CDH23: variants seen among roughly 807,000 people sequenced by gnomAD.
CDH23 encodes the protein cadherin related 23.
Under a neutral mutation model 317.1 loss-of-function variants are expected in CDH23, and 189 were observed. The ratio of observed to expected loss-of-function variants is 0.60; its 90% CI spans 0.53 to 0.67. The LOEUF (loss-of-function observed/expected upper bound fraction) is 0.67, where lower values mean the gene tolerates loss of function less well. CDH23 is among the 30% of genes least tolerant of loss of function. The pLI, the probability that CDH23 is intolerant of heterozygous loss-of-function variation, is 0.00. For synonymous variants in CDH23, 1,839 were observed against 1,876.8 expected (o/e 0.98, Z 0.52); for missense variants, 4,401 against 4,592.4 (o/e 0.96, Z 1.20).
At position 71,738,587 on chromosome 10, in the gene CDH23, T is replaced by A. The variant is rs12218559; in HGVS notation, c.4299T>A (p.Pro1433=). 0.015 allele frequency: 24,762 copies of A among 1,613,860 alleles called. 1,910 individuals are homozygous for A. The East Asian group carries it at 0.2, about 13-fold the overall frequency. ...DSAVSIPEDC[P]VGQRVATVKA... Reference sequence around the variant, plus strand: ...CGGTCAGCATACCCGAGGACTGCCCTGTGGGCCAGCGAGTGGCTACTGTCA... The same window carrying A: ...CGGTCAGCATACCCGAGGACTGCCCAGTGGGCCAGCGAGTGGCTACTGTCA... Residue 1433 remains proline, a synonymous_variant, in exon 35 of 70, where the codon CCT becomes CCA. Coordinates refer to ENST00000224721, the MANE Select transcript of CDH23 (RefSeq NM_022124.6).
chr10:71,731,206 A>G (rs1195301810), intron 31 of CDH23, among the ~76,000 whole-genome samples: 1 of 152,188 alleles, frequency 6.6e-6, no homozygotes. Flanking sequence ...CCTGTACCCC[A>G]GTCAGGGATA....
intron 11 of CDH23, among the ~76,000 whole-genome samples, chr10:71,633,468 A>G (rs1862116007): frequency 6.6e-6 from 1 of 152,156 alleles, no homozygotes; most frequent in Non-Finnish European, 1.5e-5. Flanking sequence ...AGCCCTTTGC[A>G]TGCCTGAGCA....
chr10:71,468,546 A>G (rs1851362063), intron 3 of CDH23, among the ~76,000 whole-genome samples: 1 of 152,184 alleles, frequency 6.6e-6, no homozygotes. Context: ...ATCCTGTTGT[A>G]CAGCTCCAGA....
intron 3 of CDH23, among the ~76,000 whole-genome samples, chr10:71,451,880 A>C (rs1263752772): frequency 6.6e-6 from 1 of 152,018 alleles, no homozygotes; most frequent in African/African-American, 2.4e-5. Context: ...CCAAGGCAGG[A>C]CCCGGGGGCT....
At chr10:71,447,491 G>A (rs1362312283) in intron 3 of CDH23, among the ~76,000 whole-genome samples, 1 of 152,086 alleles carries the variant, frequency 6.6e-6, no homozygotes, top group East Asian at 1.9e-4. Flanking sequence ...GGCCCAGCAG[G>A]TGTGTGTCTG....
chr10:71,702,765 C>T lies in CDH23; in HGVS notation c.2733+71C>T. The T allele has an allele frequency of 8.8e-6, 14 of 1,584,214 alleles. No individual in the cohort carries two copies. The South Asian group carries it at 1.5e-4, about 18-fold the overall frequency. On this transcript the variant is annotated intron_variant, in intron 24 of 69. Transcript: ENST00000224721. ...GGGTGCCTGAGGAGCCTAGCCCAGG[C>T]TGAAAACTTTGCAGGGCTGGGGCAG...
chr10:71,444,588 G>A (rs959945731), intron 2 of CDH23, among the ~76,000 whole-genome samples: 2 of 152,246 alleles, frequency 1.3e-5, no homozygotes, highest in Non-Finnish European at 2.9e-5. Flanking sequence ...GTAAGTGAGA[G>A]AGGGCAGAAT....
chr10:71,452,412 A>G (rs1280727678), intron 3 of CDH23, among the ~76,000 whole-genome samples: 1 of 151,638 alleles, frequency 6.6e-6, no homozygotes, highest in African/African-American at 2.4e-5. Context: ...AGTCGCCCCC[A>G]CTCTCCACAG....
At chr10:71,530,743 C>T (rs966039409) in intron 6 of CDH23, among the ~76,000 whole-genome samples, 12 of 152,226 alleles carry the variant, frequency 7.9e-5, no homozygotes, top group Admixed American at 2.6e-4. Context: ...TTCTGTCCGA[C>T]CAATGCACAG....
intron 6 of CDH23, among the ~76,000 whole-genome samples, chr10:71,536,166 G>A (rs182453444): frequency 4.6e-5 from 7 of 152,386 alleles, no homozygotes; most frequent in African/African-American, 1.7e-4. Context: ...GGACAAGGAG[G>A]CACAGGGAGG....
chr10:71,668,421 C>A (rs533148255), intron 14 of CDH23, among the ~76,000 whole-genome samples: 1 of 152,294 alleles, frequency 6.6e-6, no homozygotes, highest in South Asian at 2.1e-4. Flanking sequence ...GACTTCACTC[C>A]CCCAGCCCCA....
chr10:71,503,394 A>G (rs1358221266), intron 3 of CDH23, among the ~76,000 whole-genome samples: 1 of 152,254 alleles, frequency 6.6e-6, no homozygotes, highest in African/African-American at 2.4e-5. Context: ...TTGTGCACAC[A>G]GTTAAGAATT....
chr10:71,764,134 T>G (rs1184526017), intron 38 of CDH23, among the ~76,000 whole-genome samples: 5 of 152,152 alleles, frequency 3.3e-5, no homozygotes, highest in Non-Finnish European at 5.9e-5. Flanking sequence ...GTTCCAAAGT[T>G]CCAGAGGGTA....
chr10:71,720,730 G>A (rs1396689544), intron 28 of CDH23, among the ~76,000 whole-genome samples: 1 of 152,200 alleles, frequency 6.6e-6, no homozygotes, highest in African/African-American at 2.4e-5. Flanking sequence ...GATTTCCTAT[G>A]GACTGTTAAA....
intron 3 of CDH23, among the ~76,000 whole-genome samples, chr10:71,489,817 G>A (rs1441843540): frequency 3.3e-5 from 5 of 152,172 alleles, no homozygotes; most frequent in Admixed American, 6.5e-5. Context: ...TACCCAGGCC[G>A]TGTGAATTTG....
chr10:71,513,250 C>T (rs1328518784), intron 6 of CDH23, among the ~76,000 whole-genome samples: 2 of 152,176 alleles, frequency 1.3e-5, no homozygotes, highest in Non-Finnish European at 2.9e-5. Flanking sequence ...GATGTGGTAT[C>T]AGCTGGACGG....
At position 71,814,977 on chromosome 10, in the gene CDH23, A is replaced by G. The variant is rs2133016661; in HGVS notation, c.9764A>G (p.Glu3255Gly). Residue 3255 changes from glutamate (E) to glycine (G), a missense_variant, in exon 70 of 70, where the codon GAG becomes GGG. By Grantham distance (98) the Glu-to-Gly change is moderately conservative. Coordinates refer to ENST00000224721, the MANE Select transcript of CDH23 (RefSeq NM_022124.6). Reference sequence around the variant, plus strand: ...CTGATACAGACTGAGCTGGACGAGGAGCCAGGAGACCACAGCCCAGGGCAG... The same window carrying G: ...CTGATACAGACTGAGCTGGACGAGGGGCCAGGAGACCACAGCCCAGGGCAG... ...SELIQTELDE[E>G]PGDHSPGQGS... The G allele has an allele frequency of 6.2e-7, 1 of 1,612,288 alleles. No homozygotes were observed. The highest frequency in any genetic ancestry group is 8.5e-7 in the Non-Finnish European group (1 of 1,179,520).
chr10:71,591,262 G>A (rs1238787208), intron 9 of CDH23, among the ~76,000 whole-genome samples: 2 of 152,206 alleles, frequency 1.3e-5, no homozygotes, highest in African/African-American at 2.4e-5. Context: ...CCCAAGGGAT[G>A]ATTTTAAGTG....
chr10:71,566,649 G>A, intron 6 of CDH23, 93 bp from the exon 7 acceptor site: 1 of 1,166,482 alleles, frequency 8.6e-7, no homozygotes, highest in South Asian at 2.4e-5. Context: ...GTTGGCTGAA[G>A]GATGTAGAGA....
Sources: allele counts gnomAD v4.1 joint callset (sites outside exome capture counted in the v4.1 genomes callset), GRCh38; gene constraint gnomAD v4.1.1; transcripts MANE v1.5; gene names NCBI Gene and HGNC (gene_info 2026-07-23, HGNC 2026-07-21).